CFAP54: variants seen among roughly 807,000 people sequenced by gnomAD.
The protein encoded by CFAP54 is cilia- and flagella-associated protein 54.
A neutral mutation model predicts 370.4 loss-of-function variants in CFAP54; 290 were observed. That is an observed-to-expected ratio of 0.78 (90% confidence interval 0.71 to 0.86). The LOEUF is 0.86. Ranked by LOEUF, CFAP54 falls within the 40% of genes least tolerant of loss-of-function variation. The pLI, the probability that CFAP54 is intolerant of heterozygous loss-of-function variation, is 0.00. For synonymous variants in CFAP54, 1,206 were observed against 1,236.5 expected (o/e 0.98, Z 0.52); for missense variants, 3,399 against 3,528.7 (o/e 0.96, Z 0.93).
At chr12:96,841,706 G>A (rs561734187) in intron 66 of CFAP54, among the ~76,000 whole-genome samples, 1 of 152,274 alleles carries the variant, frequency 6.6e-6, no homozygotes, top group Non-Finnish European at 1.5e-5. Flanking sequence ...CTTAGCACAC[G>A]TTCTAGTCCC....
chr12:96,665,231 C>T (rs561544562), intron 39 of CFAP54, among the ~76,000 whole-genome samples: 1 of 151,774 alleles, frequency 6.6e-6, no homozygotes, highest in Admixed American at 6.6e-5. Flanking sequence ...TTGTTGGATG[C>T]ATAGTTTGGA....
intron 39 of CFAP54, among the ~76,000 whole-genome samples, chr12:96,676,915 G>A (rs534682746): frequency 1.3e-5 from 2 of 152,266 alleles, no homozygotes; most frequent in East Asian, 3.9e-4. Flanking sequence ...CCGTCTGCGA[G>A]CCAGGGAGAG....
At chr12:96,685,854 A>C (rs931011100) in intron 42 of CFAP54, among the ~76,000 whole-genome samples, 1 of 152,194 alleles carries the variant, frequency 6.6e-6, no homozygotes, top group African/African-American at 2.4e-5. Flanking sequence ...GTCTGGCTCA[A>C]CAATGACTTG....
In CFAP54 at chr12:96,540,540, T is replaced by C. The variant is rs988483183; in HGVS notation, c.1927-297T>C. On this transcript the variant is annotated intron_variant, in intron 13 of 67. Coordinates refer to ENST00000524981, the MANE Select transcript of CFAP54 (RefSeq NM_001306084.2). ...AGGATACAGATACTATTCACTGATATGTACAAATAACAGATCATAAATTTG... is the reference window on the plus strand; with the variant it reads ...AGGATACAGATACTATTCACTGATACGTACAAATAACAGATCATAAATTTG... 3.3e-5 allele frequency among the ~76,000 whole-genome samples: 5 copies of C among 152,236 alleles called. No individual in the cohort carries two copies. The South Asian group carries it at 1.0e-3, about 31-fold the overall frequency.
chr12:96,611,465 T>C (rs543162396), intron 26 of CFAP54, among the ~76,000 whole-genome samples: 4 of 152,308 alleles, frequency 2.6e-5, no homozygotes, highest in African/African-American at 9.6e-5. Context: ...CTGAAAATTC[T>C]AAAAATCAGA....
chr12:96,773,793 G>T (rs763716931), intron 60 of CFAP54, among the ~76,000 whole-genome samples: 27 of 151,730 alleles, frequency 1.8e-4, no homozygotes, highest in Admixed American at 1.4e-3. Flanking sequence ...CTACTCTTTT[G>T]CTATTACATT....
intron 34 of CFAP54, among the ~76,000 whole-genome samples, chr12:96,649,643 G>A (rs990572009): frequency 5.9e-5 from 9 of 152,062 alleles, no homozygotes; most frequent in Admixed American, 3.9e-4. Flanking sequence ...TTTTGCCATC[G>A]ACTTTGTCTG....
chr12:96,589,379 T>C (rs1956104264), intron 22 of CFAP54, 48 bp from the exon 23 acceptor site: 1 of 1,384,064 alleles, frequency 7.2e-7, no homozygotes, highest in Middle Eastern at 1.8e-4. Flanking sequence ...GTTTAAAACA[T>C]TCATTCACGA....
chr12:96,502,655 G>A (rs1955043769), intron 2 of CFAP54, among the ~76,000 whole-genome samples: 2 of 152,232 alleles, frequency 1.3e-5, no homozygotes, highest in South Asian at 2.1e-4. Flanking sequence ...CTAGGTAACT[G>A]GACAGCCAGT....
intron 19 of CFAP54, among the ~76,000 whole-genome samples, chr12:96,573,304 T>C (rs1474567379): frequency 6.6e-6 from 1 of 152,222 alleles, no homozygotes; most frequent in East Asian, 1.9e-4. Flanking sequence ...GTTCAAAATA[T>C]AATAGCGTTT....
chr12:96,558,585 C>G (rs1255456750), intron 17 of CFAP54, among the ~76,000 whole-genome samples: 1 of 152,100 alleles, frequency 6.6e-6, no homozygotes, highest in Non-Finnish European at 1.5e-5. Flanking sequence ...GAAACAAATT[C>G]ACACACCTAC....
At chr12:96,701,597 A>G (rs1160869725) in intron 46 of CFAP54, among the ~76,000 whole-genome samples, 1 of 152,080 alleles carries the variant, frequency 6.6e-6, no homozygotes, top group Non-Finnish European at 1.5e-5. Context: ...GTGCTGTTTT[A>G]TTCAAAGTGG....
At chr12:96,610,439 A>G (rs1956345322) in intron 26 of CFAP54, among the ~76,000 whole-genome samples, 1 of 152,210 alleles carries the variant, frequency 6.6e-6, no homozygotes, top group African/African-American at 2.4e-5. Flanking sequence ...AGATGGCTGA[A>G]TAGGAACAGC....
chr12:96,816,794 C>T (rs555561347), intron 64 of CFAP54, among the ~76,000 whole-genome samples: 1 of 152,292 alleles, frequency 6.6e-6, no homozygotes, highest in African/African-American at 2.4e-5. Flanking sequence ...GGCTGTTTGC[C>T]TTCTTCAACT....
intron 39 of CFAP54, among the ~76,000 whole-genome samples, chr12:96,669,769 T>C (rs1773475080): frequency 6.6e-6 from 1 of 152,166 alleles, no homozygotes; most frequent in South Asian, 2.1e-4. Context: ...ATCCAGTGTA[T>C]GGTTGGATAT....
intron 56 of CFAP54, among the ~76,000 whole-genome samples, chr12:96,754,340 T>C (rs1958226149): frequency 6.6e-6 from 1 of 152,164 alleles, no homozygotes; most frequent in African/African-American, 2.4e-5. Flanking sequence ...ACTTAAAACT[T>C]ATATATAACA....
chr12:96,709,701 TTTATTATTA>T (rs71068827), intron 48 of CFAP54, among the ~76,000 whole-genome samples: 25 of 144,092 alleles, frequency 1.7e-4, no homozygotes, highest in South Asian at 9.3e-4. Flanking sequence ...TTGATCATGG[TTTATTATTA>T]TTATTATTAT....
intron 55 of CFAP54, among the ~76,000 whole-genome samples, chr12:96,745,309 T>C (rs908361816): frequency 6.6e-6 from 1 of 152,246 alleles, no homozygotes. Context: ...ACCAACAGTG[T>C]AAAAGCATTC....
chr12:96,573,618 C>T (rs928902560), intron 19 of CFAP54, among the ~76,000 whole-genome samples: 19 of 152,196 alleles, frequency 1.2e-4, no homozygotes, highest in African/African-American at 4.6e-4. Flanking sequence ...CCATCTAGCC[C>T]TGACCCTTTT....
Sources: allele counts gnomAD v4.1 joint callset (sites outside exome capture counted in the v4.1 genomes callset), GRCh38; gene constraint gnomAD v4.1.1; transcripts MANE v1.5; gene names NCBI Gene and HGNC (gene_info 2026-07-23, HGNC 2026-07-21).